PWWP3A: variants seen among roughly 807,000 people sequenced by gnomAD.
PWWP3A encodes the protein PWWP domain containing 3A, DNA repair factor.
PWWP3A carries 53 observed loss-of-function variants against 79.0 expected under a neutral mutation model. The ratio of observed to expected loss-of-function variants is 0.67; its 90% confidence interval spans 0.54 to 0.84. PWWP3A has a LOEUF of 0.84. PWWP3A is among the 40% of genes least tolerant of loss of function. The pLI is 0.00. For synonymous variants in PWWP3A, 443 were observed against 394.4 expected (o/e 1.12, Z -1.46); for missense variants, 973 against 948.0 (o/e 1.03, Z -0.35).
intron 6 of PWWP3A, chr19:1,364,109 G>T: frequency 1.9e-6 from 1 of 520,906 alleles, no homozygotes; most frequent in Non-Finnish European, 3.8e-6. Context: ...TCTTCTCCGC[G>T]TGCCATTACC....
chr19:1,373,285 G>T (rs778536369), intron 13 of PWWP3A, 125 bp downstream of exon 13: 13 of 788,156 alleles, frequency 1.6e-5, no homozygotes, highest in Non-Finnish European at 2.5e-5. Context: ...TGGCCCAGGT[G>T]CTGGGTGGTG....
rs375968719 is a variant in PWWP3A at position 1,371,037 on chromosome 19, G to C, written c.1945G>C (p.Gly649Arg). 3 of 1,573,646 alleles carry C rather than the reference G, an allele frequency of 1.9e-6. No homozygotes were observed. Among genetic ancestry groups the C allele is most frequent in the South Asian group, 2.3e-5 (2 of 85,778 alleles). The change falls in exon 12 of 14, where the codon GGC (glycine) becomes CGC (arginine). Residue 649 changes from glycine to arginine, a missense_variant. Coordinates refer to ENST00000591337, the MANE Select transcript of PWWP3A (RefSeq NM_001369789.1). ...VGAKVLQRTNGDRIRFILDVL... is the reference protein window; with the variant it reads ...VGAKVLQRTNRDRIRFILDVL... ...GGCCAAGGTGCTCCAGCGCACCAAC[G>C]GCGACCGGATCCGGTTCATTCTGGA...
chr19:1,362,457 G>A (rs1422260030), intron 6 of PWWP3A, 106 bp downstream of exon 6: 4 of 812,628 alleles, frequency 4.9e-6, no homozygotes, highest in East Asian at 2.7e-5. Context: ...GGTCTCCTGC[G>A]AGTTCATTTC....
chr19:1,376,491 C>T, intron 13 of PWWP3A, 28 bp from the exon 14 acceptor site: 1 of 1,609,752 alleles, frequency 6.2e-7, no homozygotes, highest in Non-Finnish European at 8.5e-7. Context: ...TGATTAATTA[C>T]TAAAATGAAG....
chr19:1,362,424 C>G, intron 6 of PWWP3A, 73 bp downstream of exon 6: 1 of 1,180,974 alleles, frequency 8.5e-7, no homozygotes, highest in Non-Finnish European at 1.2e-6. Context: ...GCTCCGAGAC[C>G]GGGCCCCACA....
chr19:1,362,104 C>G (rs936854125), intron 5 of PWWP3A, 146 bp from the exon 6 acceptor site: 4 of 531,042 alleles, frequency 7.5e-6, no homozygotes, highest in Non-Finnish European at 1.3e-5. Flanking sequence ...GAAGCGCACT[C>G]TGTTTGAATT....
Position 1,376,295 on chromosome 19 carries a change from G to GTTTTTT in PWWP3A, c.2076-218_2076-213dup, listed in dbSNP as rs754438911. ...CATGCGCCACCACGCCCGGCTGTTT[G>GTTTTTT]TTTTTTTTTTTGTTTGTTTTTTTTT... is the stretch of plus-strand genomic sequence containing the variant. On this transcript the variant is annotated intron_variant, in intron 13 of 13. Coordinates refer to ENST00000591337, the MANE Select transcript of PWWP3A (RefSeq NM_001369789.1). 4.2e-3 allele frequency among the ~76,000 whole-genome samples: 281 copies of GTTTTTT among 66,920 alleles called. 22 individuals are homozygous for GTTTTTT. The highest frequency in any genetic ancestry group is 0.013 in the Middle Eastern group (1 of 78). The allele number at this position is 66,920 out of a possible 152,430, so 43.9% of individuals were successfully genotyped here.
chr19:1,376,528 A>C lies in PWWP3A; in HGVS notation c.2085A>C (p.Glu695Asp), dbSNP rs1442025779. ...KGPSLSYREK[E>D]IFDNQLLEER... ...CTCTTGTTTTCTGAAGGGAAAAAGA[A>C]ATATTTGACAACCAGCTCCTTGAAG... Residue 695 changes from glutamate to aspartate, a missense_variant, in exon 14 of 14, where the codon GAA becomes GAC. Transcript: ENST00000591337. 6.2e-7 allele frequency: 1 copy of C among 1,613,316 alleles called. No homozygotes were observed. The highest frequency in any genetic ancestry group is 2.2e-5 in the East Asian group (1 of 44,886).
chr19:1,370,895 G>C lies in PWWP3A; in HGVS notation c.1803G>C (p.Trp601Cys). Reference sequence around the variant, plus strand: ...TAAAGAGCAGGAAGCCATCTCGCTGGCTGCAGACCTTCCTGAGCTCCAGCC... The same window carrying C: ...TAAAGAGCAGGAAGCCATCTCGCTGCCTGCAGACCTTCCTGAGCTCCAGCC... ...AILKSRKPSR[W>C]LQTFLSSSQY... Residue 601 changes from tryptophan (W) to cysteine (C), a missense_variant, in exon 12 of 14, where the codon TGG becomes TGC. Trp to Cys is a radical substitution (Grantham distance 215). Transcript: ENST00000591337. 6.4e-7 allele frequency: 1 copy of C among 1,555,706 alleles called. No individual in the cohort carries two copies. Among genetic ancestry groups the C allele is most frequent in the Non-Finnish European group, 8.7e-7 (1 of 1,149,322 alleles).
Position 1,366,335 on chromosome 19 carries a change from G to T in PWWP3A, c.1315G>T (p.Ala439Ser). 6.2e-7 allele frequency: 1 copy of T among 1,614,256 alleles called. No homozygotes were observed. Among genetic ancestry groups the T allele is most frequent in the East Asian group, 2.2e-5 (1 of 44,892 alleles). ...VKSVRQRDKK[A>S]SVLYIEGHMN... ...AAGCGTCAGGCAGAGAGATAAGAAA[G>T]CAAGTGTGCTATACATCGAAGGACA... The change falls in exon 8 of 14, where the codon GCA (alanine) becomes TCA (serine). Residue 439 changes from alanine (A) to serine (S), a missense_variant. Transcript: ENST00000591337.
rs1160077013 is a variant in PWWP3A at position 1,369,964 on chromosome 19, TCA to T, written c.1549+322_1549+323del. Among the ~76,000 whole-genome samples the T allele has an allele frequency of 2.0e-5, 3 of 152,170 alleles. No individual in the cohort carries two copies. Among genetic ancestry groups the T allele is most frequent in the Admixed American group, 2.0e-4 (3 of 15,280 alleles). ...AAGAATGTAGGCCAGGTGCGGAGGCTCACACCTGTAATCCCAGCACTTTGGGA... is the reference window on the plus strand; with the variant it reads ...AAGAATGTAGGCCAGGTGCGGAGGCTCACCTGTAATCCCAGCACTTTGGGA... On this transcript the variant is annotated intron_variant, in intron 11 of 13. Transcript: ENST00000591337. The surrounding 1 kb of genome is among the most constrained non-coding windows in gnomAD (Gnocchi z 4.0).
At chr19:1,376,301 T>TG (rs1234802928) in intron 13 of PWWP3A, among the ~76,000 whole-genome samples, 38 of 105,232 alleles carry the variant, frequency 3.6e-4, no homozygotes, top group African/African-American at 1.7e-3. Context: ...GTTTGTTTTT[T>TG]TTTTTGTTTG....
At chr19:1,366,217 T>G in intron 7 of PWWP3A, 88 bp from the exon 8 acceptor site, 1 of 1,327,886 alleles carries the variant, frequency 7.5e-7, no homozygotes, top group Non-Finnish European at 1.1e-6. Flanking sequence ...CAGCGCCTGT[T>G]AGATGTATCA....
At chr19:1,356,874 G>A in intron 2 of PWWP3A, 135 bp from the exon 3 acceptor site, 1 of 678,090 alleles carries the variant, frequency 1.5e-6, no homozygotes, top group East Asian at 2.8e-5. Flanking sequence ...TGAAACAATG[G>A]GGATTGGACC....
chr19:1,364,711 T>C (rs2082092162), intron 7 of PWWP3A, 132 bp downstream of exon 7: 18 of 826,184 alleles, frequency 2.2e-5, no homozygotes, highest in Non-Finnish European at 3.3e-5. Flanking sequence ...CTGGGAAAAG[T>C]TGGTGGGTTT....
chr19:1,362,303 G>T lies in PWWP3A; in HGVS notation c.1165G>T (p.Glu389Ter). 1.2e-6 allele frequency: 2 copies of T among 1,613,770 alleles called. No homozygotes were observed. The highest frequency in any genetic ancestry group is 1.7e-6 in the Non-Finnish European group (2 of 1,179,834). ...MGSNSMRSIL[E>*]EDEEDEEPPR... ...GTCTAATTCCATGCGTTCTATCCTG[G>T]AGGAAGACGAGGAAGACGAGGAGCC... The change falls in exon 6 of 14, where the codon GAG (glutamate) becomes TAG (stop). Residue 389 changes from glutamate (E) to a stop codon, truncating the protein, a stop_gained. Coordinates refer to ENST00000591337, the MANE Select transcript of PWWP3A (RefSeq NM_001369789.1). LOFTEE classifies it high-confidence loss of function.
chr19:1,359,448 A>G (rs758761174), intron 4 of PWWP3A: 2 of 151,012 alleles, frequency 1.3e-5, no homozygotes, highest in Non-Finnish European at 2.9e-5. Context: ...GGCGCCTTTA[A>G]TATTCAAAGG....
At position 1,371,028 on chromosome 19, in the gene PWWP3A, C is replaced by T. The variant is rs866803792; in HGVS notation, c.1936C>T (p.Arg646Cys). 3.0e-5 allele frequency: 47 copies of T among 1,574,772 alleles called. No homozygotes were observed. Among genetic ancestry groups the T allele is most frequent in the Admixed American group, 7.4e-5 (4 of 54,040 alleles). ...YQEVGAKVLQ[R>C]TNGDRIRFIL... ...GGAGGTGGGGGCCAAGGTGCTCCAG[C>T]GCACCAACGGCGACCGGATCCGGTT... Residue 646 changes from arginine (R) to cysteine (C), a missense_variant, in exon 12 of 14, where the codon CGC (arginine) becomes TGC (cysteine). Transcript: ENST00000591337.
intron 13 of PWWP3A, among the ~76,000 whole-genome samples, chr19:1,376,295 G>GGT (rs2082393364): frequency 4.5e-5 from 3 of 67,066 alleles, no homozygotes; most frequent in South Asian, 6.4e-4. Flanking sequence ...CCGGCTGTTT[G>GGT]TTTTTTTTTT....
Sources: gnomAD v4.1 joint callset for allele counts (sites outside exome capture counted in the v4.1 genomes callset) on GRCh38, gnomAD v4.1.1 for gene constraint, Gnocchi (gnomAD v3.1) non-coding constraint, MANE v1.5 for transcripts, NCBI Gene and HGNC (gene_info 2026-07-23, HGNC 2026-07-21) for gene names.